Variants in SPATA22 observed in about 807,000 individuals in gnomAD.
The protein encoded by SPATA22 is spermatogenesis-associated protein 22.
A neutral mutation model predicts 47.8 loss-of-function variants in SPATA22; 29 were observed. The ratio of observed to expected loss-of-function variants is 0.61; its 90% CI spans 0.45 to 0.83. The LOEUF (loss-of-function observed/expected upper bound fraction) is 0.83. Ranked by LOEUF, SPATA22 falls within the 40% of genes least tolerant of loss-of-function variation. SPATA22 has a pLI of 0.00. For synonymous variants in SPATA22, 133 were observed against 140.9 expected (o/e 0.94, Z 0.40); for missense variants, 410 against 421.7 (o/e 0.97, Z 0.24).
At chr17:3,483,755 C>T (rs568682479) in intron 1 of SPATA22, among the ~76,000 whole-genome samples, 10 of 152,186 alleles carry the variant, frequency 6.6e-5, no homozygotes, top group Non-Finnish European at 1.3e-4. Context: ...CTCTACCTCT[C>T]TGGTTCAAGT....
chr17:3,443,001 T>C (rs981932631), intron 8 of SPATA22, among the ~76,000 whole-genome samples, 173 bp downstream of exon 8: 1 of 152,070 alleles, frequency 6.6e-6, no homozygotes, highest in African/African-American at 2.4e-5. Flanking sequence ...GCACAGTACC[T>C]AGCACGTAGT....
At position 3,462,493 on chromosome 17, in the gene SPATA22, C is replaced by T. The variant is rs1392743720; in HGVS notation, c.319G>A (p.Gly107Ser). The T allele has an allele frequency of 1.2e-6, 2 of 1,602,906 alleles. No individual in the cohort carries two copies. Among genetic ancestry groups the T allele is most frequent in the African/African-American group, 2.7e-5 (2 of 74,256 alleles). Reference protein sequence around the residue: ...SIQSNTGRSQGGWSYRDGNKN... With the variant: ...SIQSNTGRSQSGWSYRDGNKN... The stretch of plus-strand genomic sequence containing the variant: ...TTTAAGTAGACTCACCTCCAACCAC[C>T]CTGGCTTCTTCCAGTATTTGATTGA... The change falls in exon 5 of 9, where the codon GGT becomes AGT. Residue 107 changes from glycine to serine, a missense_variant. Transcript: ENST00000572969.
rs907899294 is a variant in SPATA22 at position 3,490,669 on chromosome 17, G to A, written c.-73-21271C>T. 3.9e-5 allele frequency among the ~76,000 whole-genome samples: 6 copies of A among 152,138 alleles called. No individual in the cohort carries two copies. The highest frequency in any genetic ancestry group is 7.4e-5 in the Non-Finnish European group (5 of 68,024). The stretch of plus-strand genomic sequence containing the variant: ...AGGTTCTATACTGTCTAATGGAACT[G>A]GTTTTGAGAAGATCACAACATACTT... On this transcript the variant is annotated intron_variant, in intron 1 of 8. Coordinates refer to the SPATA22 transcript ENST00000541913. This position sits in a 1 kb window ranked among gnomAD's most constrained non-coding sequence, Gnocchi z 4.6.
In SPATA22 at chr17:3,459,859, T is replaced by A. The variant is rs967019588; in HGVS notation, c.329+2624A>T. 5.3e-5 allele frequency among the ~76,000 whole-genome samples: 8 copies of A among 152,162 alleles called. No homozygotes were observed. In the East Asian group the frequency reaches 1.5e-3, roughly 29 times the overall value. ...CATATCTTTGGCCATCCTGAGCAAGTTGAAGGAGATCTAAAAGTTTAAAAA... is the reference window on the plus strand; with the variant it reads ...CATATCTTTGGCCATCCTGAGCAAGATGAAGGAGATCTAAAAGTTTAAAAA... On this transcript the variant is annotated intron_variant, in intron 5 of 8. Coordinates refer to ENST00000572969, the MANE Select transcript of SPATA22 (RefSeq NM_001170698.2).
At chr17:3,510,726 T>G (rs2074100987) in intron 1 of SPATA22, 2 of 152,220 alleles carry the variant, frequency 1.3e-5, no homozygotes, top group African/African-American at 4.8e-5. Flanking sequence ...AAAAAATATG[T>G]AAATCAATGC....
intron 1 of SPATA22, among the ~76,000 whole-genome samples, chr17:3,507,009 A>AGGGAG (rs1875904334): frequency 7.5e-6 from 1 of 132,664 alleles, no homozygotes; most frequent in South Asian, 2.7e-4. Flanking sequence ...GGAGGAAGGG[A>AGGGAG]GGGAGGGGAG....
intron 8 of SPATA22, chr17:3,441,075 C>A (rs1181796895): frequency 6.6e-6 from 1 of 151,970 alleles, no homozygotes; most frequent in Non-Finnish European, 1.5e-5. Context: ...TTCTCCAAAT[C>A]CTCTCAATTA....
chr17:3,486,365 G>A (rs1163817387), intron 1 of SPATA22, among the ~76,000 whole-genome samples: 1 of 152,194 alleles, frequency 6.6e-6, no homozygotes, highest in East Asian at 1.9e-4. Flanking sequence ...AAAATAGTCC[G>A]TGTCTTGCTC....
intron 3 of SPATA22, among the ~76,000 whole-genome samples, chr17:3,463,965 CTCTCCCTCTCCCTCTCCCCACGG>C (rs2073202377): frequency 9.4e-6 from 1 of 106,612 alleles, no homozygotes. Context: ...CTCCCTCTGC[CTCTCCCTCTCCCTCTCCCCACGG>C]TCTCCCTCTC....
Position 3,440,087 on chromosome 17 carries a change from G to T in SPATA22, c.*60C>A. Reference sequence around the variant, plus strand: ...TAGTAGCTATAAAACTATGGAGATGGTAAATTAAGCAATAACAGAAAACTG... The same window carrying T: ...TAGTAGCTATAAAACTATGGAGATGTTAAATTAAGCAATAACAGAAAACTG... On this transcript the variant is annotated 3_prime_UTR_variant, in exon 9 of 9. Coordinates refer to ENST00000572969, the MANE Select transcript of SPATA22 (RefSeq NM_001170698.2). The T allele has an allele frequency of 9.0e-7, 1 of 1,107,374 alleles. No homozygotes were observed. Among genetic ancestry groups the T allele is most frequent in the Non-Finnish European group, 1.2e-6 (1 of 803,610 alleles). The allele number at this position is 1,107,374 out of a possible 1,614,324, so 68.6% of individuals were successfully genotyped here.
In SPATA22 at chr17:3,470,850, A is replaced by T. The variant is rs181373661; in HGVS notation, c.-74+832T>A. Among the ~76,000 whole-genome samples, 324 of 150,250 alleles carry T rather than the reference A, an allele frequency of 2.2e-3. 1 individual carries two copies. Among genetic ancestry groups the T allele is most frequent in the African/African-American group, 7.5e-3 (307 of 40,854 alleles). On this transcript the variant is annotated intron_variant, in intron 1 of 8. Transcript: ENST00000572969. ...GCTTGAAGCTGGGTAGAAGAGATGG[A>T]CCCTTTAGAAAATATTCCTGGTGGC...
At chr17:3,462,657 C>T (rs1355493461) in intron 4 of SPATA22, 50 bp downstream of exon 4, 12 of 1,573,602 alleles carry the variant, frequency 7.6e-6, no homozygotes, top group South Asian at 1.1e-5. Flanking sequence ...AGAAGAACAA[C>T]ATCAGTTAGT....
chr17:3,450,362 C>T (rs181626461), intron 5 of SPATA22, among the ~76,000 whole-genome samples: 4 of 151,974 alleles, frequency 2.6e-5, no homozygotes, highest in African/African-American at 7.3e-5. Flanking sequence ...TACAAAATAA[C>T]GAGAAAAGAA....
At chr17:3,513,417 T>TC (rs1450279720) in exon 1 of SPATA22, 1 of 153,492 alleles carries the variant, frequency 6.5e-6, no homozygotes, top group African/African-American at 2.4e-5. Context: ...CTTACCTCCG[T>TC]CCCCCGCACA....
At chr17:3,456,677 A>C (rs1326698670) in intron 5 of SPATA22, among the ~76,000 whole-genome samples, 3 of 152,136 alleles carry the variant, frequency 2.0e-5, no homozygotes, top group South Asian at 2.1e-4. Flanking sequence ...AAAAAGAGGG[A>C]TTCCTCCCTA....
intron 7 of SPATA22, among the ~76,000 whole-genome samples, chr17:3,445,710 CA>C (rs1419296895): frequency 6.6e-6 from 1 of 152,024 alleles, no homozygotes; most frequent in Non-Finnish European, 1.5e-5. Context: ...TTAATGGTAA[CA>C]AGAGAGAAAC....
At chr17:3,498,904 A>G (rs1442016687) in intron 1 of SPATA22, 1 of 1,591,000 alleles carries the variant, frequency 6.3e-7, no homozygotes, top group African/African-American at 1.4e-5. Context: ...CAAGACTGGA[A>G]ACCACTGCAT....
chr17:3,502,093 C>G (rs116109217), intron 1 of SPATA22: 1 of 152,188 alleles, frequency 6.6e-6, no homozygotes, highest in African/African-American at 2.4e-5. Context: ...GAAATTGTCA[C>G]GGCCATCCCA....
In SPATA22 at chr17:3,464,127, C is replaced by T. The variant is rs371381209; in HGVS notation, c.173-1360G>A. ...TGCCGAGTGCCTGCGATTGCAGGCG[C>T]GCGCCGCCACGCCTGACTGGTTTTC... On this transcript the variant is annotated intron_variant, in intron 3 of 8. Transcript: ENST00000572969. Among the ~76,000 whole-genome samples, 117 of 152,144 alleles carry T rather than the reference C, an allele frequency of 7.7e-4. 1 individual carries two copies. The highest frequency in any genetic ancestry group is 3.4e-3 in the Middle Eastern group (1 of 294).
Sources: gnomAD v4.1 joint callset for allele counts (sites outside exome capture counted in the v4.1 genomes callset) on GRCh38, gnomAD v4.1.1 for gene constraint, Gnocchi (gnomAD v3.1) non-coding constraint, MANE v1.5 for transcripts, NCBI Gene and HGNC (gene_info 2026-07-23, HGNC 2026-07-21) for gene names.